Variants in CAMK2D observed in about 807,000 individuals in gnomAD.
The protein encoded by CAMK2D is calcium/calmodulin-dependent protein kinase type II subunit delta.
CAMK2D carries 37 observed loss-of-function variants against 84.0 expected under a neutral mutation model. That is an observed-to-expected ratio of 0.44 (90% CI 0.34 to 0.58). CAMK2D has a LOEUF of 0.58. Among genes scored for constraint, CAMK2D ranks in the 20% least tolerant of loss-of-function variants. CAMK2D has a pLI of 0.02. For missense variants in CAMK2D, 448 were observed against 652.5 expected (o/e 0.69, Z 3.41); for synonymous variants, 202 against 212.5 (o/e 0.95, Z 0.43).
intron 13 of CAMK2D, among the ~76,000 whole-genome samples, chr4:113,507,159 T>C (rs1486561750): frequency 2.0e-5 from 3 of 152,200 alleles, no homozygotes; most frequent in Non-Finnish European, 4.4e-5. Context: ...AATATTAATT[T>C]ATTGAAAAAT....
At chr4:113,541,374 T>C (rs2098528866) in intron 6 of CAMK2D, among the ~76,000 whole-genome samples, 1 of 152,198 alleles carries the variant, frequency 6.6e-6, no homozygotes, top group Admixed American at 6.5e-5. Flanking sequence ...GAATTTGAAG[T>C]ACTCAAAAAT....
chr4:113,709,395 T>G (rs1460777638), intron 2 of CAMK2D, among the ~76,000 whole-genome samples: 1 of 151,834 alleles, frequency 6.6e-6, no homozygotes, highest in Non-Finnish European at 1.5e-5. Context: ...AAAAAAAAAG[T>G]GTTTAAAATA....
chr4:113,500,894 A>G (rs992186829), intron 15 of CAMK2D, among the ~76,000 whole-genome samples: 3 of 150,940 alleles, frequency 2.0e-5, no homozygotes, highest in Non-Finnish European at 4.4e-5. Context: ...TGATACTTAA[A>G]ATAGAAAAAA....
At chr4:113,607,098 T>G (rs908701726) in intron 4 of CAMK2D, among the ~76,000 whole-genome samples, 2 of 151,934 alleles carry the variant, frequency 1.3e-5, no homozygotes, top group Non-Finnish European at 2.9e-5. Flanking sequence ...AACAATTTGT[T>G]GCTAGCATAC....
chr4:113,628,206 T>G (rs1476644359), intron 3 of CAMK2D, among the ~76,000 whole-genome samples: 1 of 152,158 alleles, frequency 6.6e-6, no homozygotes, highest in Non-Finnish European at 1.5e-5. Context: ...ATATTTAATA[T>G]TGCATGAATT....
chr4:113,526,905 CTTT>C (rs34934229), intron 8 of CAMK2D, among the ~76,000 whole-genome samples: 4,845 of 136,986 alleles, frequency 0.035, 244 homozygotes, highest in African/African-American at 0.12. Context: ...TTTTACTGTG[CTTT>C]TTTTTTTTTT....
chr4:113,546,003 C>T (rs1389809210), intron 6 of CAMK2D, among the ~76,000 whole-genome samples: 1 of 152,168 alleles, frequency 6.6e-6, no homozygotes, highest in African/African-American at 2.4e-5. Context: ...CTTTGAAGTG[C>T]TCACCTGATT....
At chr4:113,591,664 TC>T (rs1220743712) in intron 4 of CAMK2D, among the ~76,000 whole-genome samples, 3 of 152,208 alleles carry the variant, frequency 2.0e-5, no homozygotes, top group African/African-American at 7.2e-5. Flanking sequence ...GCTGGTTTCT[TC>T]AGTTCTCAGA....
intron 16 of CAMK2D, among the ~76,000 whole-genome samples, chr4:113,493,689 T>C (rs928605182): frequency 1.3e-5 from 2 of 152,038 alleles, no homozygotes; most frequent in Non-Finnish European, 2.9e-5. Flanking sequence ...AACGTTGGCC[T>C]GCCTTGCCAG....
At chr4:113,581,894 C>G (rs2098812050) in intron 4 of CAMK2D, among the ~76,000 whole-genome samples, 3 of 152,140 alleles carry the variant, frequency 2.0e-5, no homozygotes, top group African/African-American at 7.2e-5. Flanking sequence ...ATTATAAGTT[C>G]AGCTAGGCCT....
chr4:113,689,041 G>A (rs6853541), intron 2 of CAMK2D, among the ~76,000 whole-genome samples: 3 of 151,122 alleles, frequency 2.0e-5, no homozygotes, highest in Non-Finnish European at 4.4e-5. Flanking sequence ...TCAAGAGATC[G>A]AGACCATCCT....
chr4:113,547,638 A>G lies in CAMK2D; in HGVS notation c.414+6T>C. ...GTGGTTTATCTTCTTCAACCGCATT[A>G]CTCACCTTCAGGTCCCGATGGACCA... On this transcript the variant is annotated splice_donor_region_variant and intron_variant, in intron 6 of 20. Transcript: ENST00000511664. The G allele has an allele frequency of 1.3e-6, 2 of 1,544,606 alleles. No homozygotes were observed. Among genetic ancestry groups the G allele is most frequent in the Non-Finnish European group, 1.7e-6 (2 of 1,144,614 alleles).
intron 4 of CAMK2D, among the ~76,000 whole-genome samples, chr4:113,598,126 T>C (rs76752859): frequency 0.04 from 6,085 of 152,254 alleles, 357 homozygotes; most frequent in East Asian, 0.19. Flanking sequence ...CTACTCAACA[T>C]TGAGACTTAC....
chr4:113,473,711 T>G (rs1449153945), intron 16 of CAMK2D, among the ~76,000 whole-genome samples: 1 of 152,214 alleles, frequency 6.6e-6, no homozygotes, highest in African/African-American at 2.4e-5. Context: ...TACAAAATGA[T>G]AGTTAACTGG....
chr4:113,692,127 T>C (rs1027229245), intron 2 of CAMK2D, among the ~76,000 whole-genome samples: 20 of 152,152 alleles, frequency 1.3e-4, no homozygotes, highest in African/African-American at 4.3e-4. Flanking sequence ...CACTCAAGGT[T>C]CTTTCATAAA....
chr4:113,712,137 T>C (rs965035662), intron 2 of CAMK2D, among the ~76,000 whole-genome samples: 1 of 152,194 alleles, frequency 6.6e-6, no homozygotes, highest in Non-Finnish European at 1.5e-5. Flanking sequence ...AAACTCATTA[T>C]GCATCCTGAG....
chr4:113,638,703 C>G (rs1489785061), intron 3 of CAMK2D, among the ~76,000 whole-genome samples: 1 of 152,086 alleles, frequency 6.6e-6, no homozygotes, highest in African/African-American at 2.4e-5. Context: ...GTGCAAGCAA[C>G]TCTAGATAAA....
At chr4:113,741,560 G>A (rs143642121) in intron 2 of CAMK2D, among the ~76,000 whole-genome samples, 1,610 of 152,208 alleles carry the variant, frequency 0.011, 28 homozygotes, top group African/African-American at 0.035. Context: ...GTCTTGGAAC[G>A]TATCCCCCAG....
At chr4:113,571,645 G>A (rs1399021942) in intron 4 of CAMK2D, among the ~76,000 whole-genome samples, 1 of 152,116 alleles carries the variant, frequency 6.6e-6, no homozygotes, top group Admixed American at 6.6e-5. Context: ...AGGCCGAGGC[G>A]GGTGGATCAC....
Sources: allele counts gnomAD v4.1 joint callset (sites outside exome capture counted in the v4.1 genomes callset), GRCh38; gene constraint gnomAD v4.1.1; transcripts MANE v1.5; gene names NCBI Gene and HGNC (gene_info 2026-07-23, HGNC 2026-07-21).